The following DUSP3 variants were observed in gnomAD, a reference collection of about 807,000 sequenced individuals.
DUSP3 encodes dual specificity protein phosphatase 3.
In DUSP3, 7 loss-of-function variants were observed where a neutral mutation model predicts 15.5. The observed-to-expected ratio is 0.45, with a 90% CI of 0.26 to 0.85. The LOEUF (loss-of-function observed/expected upper bound fraction) is 0.85, where lower values mean the gene tolerates loss of function less well. Ranked by LOEUF, DUSP3 falls within the 40% of genes least tolerant of loss-of-function variation. The pLI is 0.18. For synonymous variants in DUSP3, 86 were observed against 104.2 expected (o/e 0.83, Z 1.07); for missense variants, 209 against 251.7 (o/e 0.83, Z 1.15).
At chr17:43,777,261 T>C (rs1208566335) in intron 1 of DUSP3, among the ~76,000 whole-genome samples, 6 of 152,176 alleles carry the variant, frequency 3.9e-5, no homozygotes, top group Non-Finnish European at 8.8e-5. Context: ...GCGTGAGCCA[T>C]CGTGCCAGGC....
Position 43,769,413 on chromosome 17 carries a change from GC to G in DUSP3, c.*195del, listed in dbSNP as rs1273667426. 1 of 581,464 alleles carries G rather than the reference GC, an allele frequency of 1.7e-6. No individual in the cohort carries two copies. Among genetic ancestry groups the G allele is most frequent in the Non-Finnish European group, 2.9e-6 (1 of 339,086 alleles). 36.0% of individuals were successfully genotyped at this position (581,464 alleles called of 1,614,324 possible). On this transcript the variant is annotated 3_prime_UTR_variant, in exon 3 of 3. Coordinates refer to ENST00000226004, the MANE Select transcript of DUSP3 (RefSeq NM_004090.4). ...AACAGGACAACTGGGGAGCAAGGACGCCCCCCTTGGCAAGCTTCTTTATGTG... is the reference window on the plus strand; with the variant it reads ...AACAGGACAACTGGGGAGCAAGGACGCCCCCTTGGCAAGCTTCTTTATGTG...
At chr17:43,776,783 T>C (rs1974393535) in intron 1 of DUSP3, among the ~76,000 whole-genome samples, 1 of 152,194 alleles carries the variant, frequency 6.6e-6, no homozygotes, top group Non-Finnish European at 1.5e-5. Flanking sequence ...GCGGGATTCC[T>C]GAGGCTAACA....
chr17:43,769,198 C>T lies in DUSP3; in HGVS notation c.*411G>A, dbSNP rs1050232541. On this transcript the variant is annotated 3_prime_UTR_variant, in exon 3 of 3. Coordinates refer to ENST00000226004, the MANE Select transcript of DUSP3 (RefSeq NM_004090.4). ...TTTGCATAGTTCCTTTACTAGGGCTCAAGGTGTTGAGGTCCACACTCAAGA... is the reference window on the plus strand; with the variant it reads ...TTTGCATAGTTCCTTTACTAGGGCTTAAGGTGTTGAGGTCCACACTCAAGA... 34 of 200,748 alleles carry T rather than the reference C, an allele frequency of 1.7e-4. No homozygotes were observed. The highest frequency in any genetic ancestry group is 3.6e-3 in the Middle Eastern group (2 of 550). 12.4% of individuals were successfully genotyped at this position (200,748 alleles called of 1,614,324 possible). A position where few individuals can be genotyped will look rare whatever the true frequency, so the allele number is the denominator to read the frequency against.
intron 2 of DUSP3, among the ~76,000 whole-genome samples, chr17:43,772,340 C>T (rs1219317921): frequency 6.6e-6 from 1 of 152,182 alleles, no homozygotes; most frequent in Non-Finnish European, 1.5e-5. Flanking sequence ...TCCCCTGCCC[C>T]ACCCTAGGAA....
Position 43,768,360 on chromosome 17 carries a change from T to TG in DUSP3, c.*1248dup, listed in dbSNP as rs1409491969. ...ATGTGCATACACATGTGAGGGCTGGTGCATTCCAATATCATCCTTAGAAAG... is the reference window on the plus strand; with the variant it reads ...ATGTGCATACACATGTGAGGGCTGGTGGCATTCCAATATCATCCTTAGAAAG... On this transcript the variant is annotated 3_prime_UTR_variant, in exon 3 of 3. Transcript: ENST00000226004. The TG allele has an allele frequency of 6.6e-6, 1 of 152,214 alleles. No individual in the cohort carries two copies. The highest frequency in any genetic ancestry group is 2.4e-5 in the African/African-American group (1 of 41,444). 9.4% of individuals were successfully genotyped at this position (152,214 alleles called of 1,614,324 possible).
intron 1 of DUSP3, chr17:43,777,415 C>T (rs1421652991): frequency 4.6e-6 from 2 of 439,050 alleles, no homozygotes; most frequent in African/African-American, 4.0e-5. Context: ...TGAGAACTGT[C>T]CCCATGAGGC....
In DUSP3 at chr17:43,769,320, A is replaced by C; in HGVS notation, c.*289T>G. 2.8e-5 allele frequency: 11 copies of C among 389,982 alleles called. No individual in the cohort carries two copies. The highest frequency in any genetic ancestry group is 5.7e-5 in the East Asian group (1 of 17,462). The allele number at this position is 389,982 out of a possible 1,614,324, so 24.2% of individuals were successfully genotyped here. A position where few individuals can be genotyped will look rare whatever the true frequency, so the allele number is the denominator to read the frequency against. On this transcript the variant is annotated 3_prime_UTR_variant, in exon 3 of 3. Transcript: ENST00000226004. ...CACCTCCTGCCGTGGGCCATCGGGA[A>C]GCATGCAGGCCACAGGCCTTCCCCC...
At chr17:43,771,572 T>G (rs138198409) in intron 2 of DUSP3, among the ~76,000 whole-genome samples, 1 of 152,268 alleles carries the variant, frequency 6.6e-6, no homozygotes, top group East Asian at 1.9e-4. Flanking sequence ...GCACCTGGCA[T>G]CCATGTGCAC....
intron 2 of DUSP3, chr17:43,774,224 G>A: frequency 1.1e-5 from 3 of 264,744 alleles, no homozygotes; most frequent in South Asian, 1.1e-4. Context: ...TGTGGTGACT[G>A]GATCCCATCT....
chr17:43,769,621 C>T lies in DUSP3; in HGVS notation c.546G>A (p.Lys182=), dbSNP rs2154590614. The change falls in exon 3 of 3, where the codon AAG becomes AAA. Residue 182 remains lysine, a synonymous_variant. Coordinates refer to ENST00000226004, the MANE Select transcript of DUSP3 (RefSeq NM_004090.4). ...TGGTGGGGGTGCCCTAGGGTTTCAA[C>T]TTCCCCTCCTTGGCTAGTCTGTCAT... The part of the protein sequence containing the change: ...QLNDRLAKEG[K]LKP 5 of 1,611,848 alleles carry T rather than the reference C, an allele frequency of 3.1e-6. No homozygotes were observed. The highest frequency in any genetic ancestry group is 2.7e-5 in the African/African-American group (2 of 74,978).
intron 2 of DUSP3, among the ~76,000 whole-genome samples, chr17:43,773,206 G>A (rs1974340305): frequency 1.3e-5 from 2 of 152,192 alleles, no homozygotes; most frequent in Non-Finnish European, 1.5e-5. Context: ...CTGTTTACTG[G>A]AAATCATTCA....
At chr17:43,771,010 GTGTGTGTGTGTA>G (rs999092650) in intron 2 of DUSP3, among the ~76,000 whole-genome samples, 5 of 142,630 alleles carry the variant, frequency 3.5e-5, no homozygotes, top group African/African-American at 1.2e-4. Context: ...GTGTGTGTGT[GTGTGTGTGTGTA>G]TGTGTGTGTA....
rs1289290705 is a variant in DUSP3, at chr17:43,767,765, G to A, written c.*1844C>T. ...GACACCTTTTTCACTATCTGGAGAA[G>A]AAGACACATACTGGTTGTTCAGGGC... On this transcript the variant is annotated 3_prime_UTR_variant, in exon 3 of 3. Transcript: ENST00000226004. 1 of 152,240 alleles carries A rather than the reference G, an allele frequency of 6.6e-6. No homozygotes were observed. The highest frequency in any genetic ancestry group is 1.5e-5 in the Non-Finnish European group (1 of 68,074). 9.4% of individuals were successfully genotyped at this position (152,240 alleles called of 1,614,324 possible).
In DUSP3 at chr17:43,768,491, G is replaced by A. The variant is rs1974268593; in HGVS notation, c.*1118C>T. ...ATGTCTGCCTGGCTGAGTCACTTCA[G>A]GGATCCCGTGCTGGCACCAGAGAGC... is the stretch of plus-strand genomic sequence containing the variant. On this transcript the variant is annotated 3_prime_UTR_variant, in exon 3 of 3. Transcript: ENST00000226004. The A allele has an allele frequency of 6.6e-6, 1 of 152,178 alleles. No individual in the cohort carries two copies. Among genetic ancestry groups the A allele is most frequent in the African/African-American group, 2.4e-5 (1 of 41,410 alleles). The allele number at this position is 152,178 out of a possible 1,614,324, so 9.4% of individuals were successfully genotyped here. A position where few individuals can be genotyped will look rare whatever the true frequency, so the allele number is the denominator to read the frequency against.
rs141142201 is a variant in DUSP3 at position 43,775,064 on chromosome 17, C to A, written c.126-126G>T. The A allele has an allele frequency of 5.5e-6, 5 of 902,328 alleles. No homozygotes were observed. The African/African-American group carries it at 6.7e-5, about 12-fold the overall frequency. The allele number at this position is 902,328 out of a possible 1,614,324, so 55.9% of individuals were successfully genotyped here. On this transcript the variant is annotated intron_variant, in intron 1 of 2. Transcript: ENST00000226004. ...CCCTCCATGCTCTGGCCCCTGCCAG[C>A]TTCTCCTGCCTCATCTTATGACCTC...
chr17:43,778,806 C>A lies in DUSP3; in HGVS notation c.119G>T (p.Gly40Val). The change falls in exon 1 of 3, where the codon GGC becomes GTC. Residue 40 changes from glycine to valine, a missense_variant. Transcript: ENST00000226004. Reference protein sequence around the residue: ...CNEVTPRIYVGNASVAQDIPK... With the variant: ...CNEVTPRIYVVNASVAQDIPK... ...GCTCGCGAAAGGGACTCACGCGTTG[C>A]CCACGTAGATCCGCGGGGTGACCTC... The A allele has an allele frequency of 6.5e-7, 1 of 1,533,848 alleles. No homozygotes were observed. Among genetic ancestry groups the A allele is most frequent in the Non-Finnish European group, 8.8e-7 (1 of 1,142,442 alleles).
Position 43,766,980 on chromosome 17 carries a change from G to A in DUSP3, c.*2629C>T, listed in dbSNP as rs1219541159. On this transcript the variant is annotated 3_prime_UTR_variant, in exon 3 of 3. Coordinates refer to ENST00000226004, the MANE Select transcript of DUSP3 (RefSeq NM_004090.4). ...AGCTCCCATCCGCAGCTGGGCATGT[G>A]TTGGCTCTTACACAAGAGACTTTAA... 6.6e-6 allele frequency: 1 copy of A among 152,448 alleles called. No homozygotes were observed. Among genetic ancestry groups the A allele is most frequent in the Non-Finnish European group, 1.5e-5 (1 of 68,036 alleles). The allele number at this position is 152,448 out of a possible 1,614,324, so 9.4% of individuals were successfully genotyped here.
intron 2 of DUSP3, 76 bp downstream of exon 2, chr17:43,774,636 T>G: frequency 6.7e-7 from 1 of 1,482,550 alleles, no homozygotes; most frequent in Non-Finnish European, 9.4e-7. Context: ...AGAAGAGACC[T>G]GTTGTGGGCC....
chr17:43,773,297 G>A (rs1974341357), intron 2 of DUSP3, among the ~76,000 whole-genome samples: 2 of 152,214 alleles, frequency 1.3e-5, no homozygotes, highest in African/African-American at 4.8e-5. Flanking sequence ...CCCCTCCGCT[G>A]GGAGGGTTTG....
Sources: gnomAD v4.1 joint callset for allele counts (sites outside exome capture counted in the v4.1 genomes callset) on GRCh38, gnomAD v4.1.1 for gene constraint, MANE v1.5 for transcripts, NCBI Gene and HGNC (gene_info 2026-07-23, HGNC 2026-07-21) for gene names.